The following DIAPH1 variants were observed in gnomAD, a reference collection of about 807,000 sequenced individuals.
DIAPH1 encodes diaphanous related formin 1, also known as protein diaphanous homolog 1.
DIAPH1 carries 46 observed loss-of-function variants against 140.7 expected under a neutral mutation model. The observed-to-expected ratio is 0.33, with a 90% CI of 0.26 to 0.42. The LOEUF is 0.42. DIAPH1 is among the 10% of genes least tolerant of loss of function. The pLI, the probability that DIAPH1 is intolerant of heterozygous loss-of-function variation, is 1.00. For synonymous variants in DIAPH1, 565 were observed against 551.6 expected (o/e 1.02, Z -0.34); for missense variants, 1,310 against 1,558.7 (o/e 0.84, Z 2.69).
chr5:141,589,277 G>T, intron 1 of DIAPH1: 1 of 152,490 alleles, frequency 6.6e-6, no homozygotes. Context: ...CACCTTCGTT[G>T]GGAGTGCCCT....
intron 1 of DIAPH1, among the ~76,000 whole-genome samples, chr5:141,590,946 A>G (rs962742493): frequency 2.0e-5 from 3 of 152,050 alleles, no homozygotes; most frequent in Non-Finnish European, 4.4e-5. Context: ...TCTCCATACT[A>G]TATCCAAGAG....
chr5:141,538,712 C>A (rs552112440), intron 18 of DIAPH1, among the ~76,000 whole-genome samples: 1 of 152,068 alleles, frequency 6.6e-6, no homozygotes, highest in Non-Finnish European at 1.5e-5. Context: ...GGATAACAGG[C>A]GTGAGCCACC....
At chr5:141,599,211 T>C (rs1010031246) in intron 1 of DIAPH1, among the ~76,000 whole-genome samples, 1 of 152,168 alleles carries the variant, frequency 6.6e-6, no homozygotes, top group African/African-American at 2.4e-5. Flanking sequence ...CAGAGTACAT[T>C]CTACATAGCA....
chr5:141,567,881 C>G (rs1275295385), intron 18 of DIAPH1, among the ~76,000 whole-genome samples: 3 of 152,194 alleles, frequency 2.0e-5, no homozygotes, highest in Non-Finnish European at 4.4e-5. Flanking sequence ...CCCACACAGT[C>G]AAATGCTAAC....
Position 141,573,814 on chromosome 5 carries a change from G to A in DIAPH1, c.2036C>T (p.Pro679Leu), listed in dbSNP as rs768743097. ...LPGGTAIPPP[P>L]PLPGSARIPP... ...GATTCTAGCACTCCCAGGCAAAGGA[G>A]GAGGTGGGGGGATGGCAGTACCTCC... Residue 679 changes from proline (P) to leucine (L), a missense_variant, in exon 16 of 28, where the codon CCT becomes CTT. Coordinates refer to ENST00000389054, the MANE Select transcript of DIAPH1 (RefSeq NM_005219.5). 8.2e-5 allele frequency: 124 copies of A among 1,518,610 alleles called. No homozygotes were observed. Among genetic ancestry groups the A allele is most frequent in the Non-Finnish European group, 1.0e-4 (118 of 1,128,186 alleles). The allele number at this position is 1,518,610 out of a possible 1,614,324, so 94.1% of individuals were successfully genotyped here. A position where few individuals can be genotyped will look rare whatever the true frequency, so the allele number is the denominator to read the frequency against.
chr5:141,593,483 G>C (rs1220493635), intron 1 of DIAPH1, among the ~76,000 whole-genome samples: 2 of 152,118 alleles, frequency 1.3e-5, no homozygotes, highest in African/African-American at 2.4e-5. Flanking sequence ...CTTTCCCCTT[G>C]AGACAGAAGG....
chr5:141,558,210 G>A (rs1047469538), intron 18 of DIAPH1: 2 of 152,276 alleles, frequency 1.3e-5, no homozygotes, highest in African/African-American at 4.8e-5. Flanking sequence ...AGTCTCTAAA[G>A]ACAAAGGGCA....
At chr5:141,598,540 T>C (rs945720722) in intron 1 of DIAPH1, among the ~76,000 whole-genome samples, 1 of 152,162 alleles carries the variant, frequency 6.6e-6, no homozygotes, top group Non-Finnish European at 1.5e-5. Flanking sequence ...TCCATCAACA[T>C]AAAAATTAAA....
intron 18 of DIAPH1, among the ~76,000 whole-genome samples, chr5:141,552,582 C>T (rs1263109741): frequency 6.6e-6 from 1 of 152,130 alleles, no homozygotes; most frequent in Non-Finnish European, 1.5e-5. Context: ...GCCAACATTT[C>T]GATTTTAGAA....
rs189778998 is a variant in DIAPH1 at position 141,593,965 on chromosome 5, A to G, written c.118-5715T>C. 7.2e-5 allele frequency among the ~76,000 whole-genome samples: 11 copies of G among 152,204 alleles called. No homozygotes were observed. The East Asian group carries it at 1.5e-3, about 21-fold the overall frequency. On this transcript the variant is annotated intron_variant, in intron 1 of 27. Transcript: ENST00000389054. ...CAGGCGCATGCCACCACACGTGGCT[A>G]ATTTTTGTATTTTTAGTATGGGGTT... is the stretch of plus-strand genomic sequence containing the variant.
At chr5:141,556,851 G>A (rs949058751) in intron 18 of DIAPH1, among the ~76,000 whole-genome samples, 2 of 151,996 alleles carry the variant, frequency 1.3e-5, no homozygotes, top group African/African-American at 2.4e-5. Flanking sequence ...GCCACCAGGC[G>A]GCCCGGCTAA....
intron 18 of DIAPH1, among the ~76,000 whole-genome samples, chr5:141,551,142 T>C (rs1003708922): frequency 6.6e-6 from 1 of 152,244 alleles, no homozygotes; most frequent in Admixed American, 6.5e-5. Flanking sequence ...ACCGCATTTA[T>C]GGACCTGTTA....
At chr5:141,524,375 C>A in intron 26 of DIAPH1, 146 bp from the exon 27 acceptor site, 1 of 754,088 alleles carries the variant, frequency 1.3e-6, no homozygotes, top group Non-Finnish European at 2.3e-6. Context: ...GAGAGCTCAG[C>A]CTTAAGTCTC....
rs1317413582 is a variant in DIAPH1 at position 141,526,089 on chromosome 5, CCTT to C, written c.3520_3522del (p.Lys1174del). 5 of 1,614,126 alleles carry C rather than the reference CCTT, an allele frequency of 3.1e-6. No homozygotes were observed. The highest frequency in any genetic ancestry group is 3.4e-6 in the Non-Finnish European group (4 of 1,180,050). On this transcript the variant is annotated inframe_deletion, in exon 26 of 28. Coordinates refer to ENST00000389054, the MANE Select transcript of DIAPH1 (RefSeq NM_005219.5). ...CTCTTCTGCTGCTTCTCTAGCCGCT[CCTT>C]CTCTGCCTTCTCCTTGGCTAGTTTT...
rs1336672141 is a variant in DIAPH1, at chr5:141,574,198, A to G, written c.1652T>C (p.Leu551Pro). 6.2e-7 allele frequency: 1 copy of G among 1,614,120 alleles called. No homozygotes were observed. Among genetic ancestry groups the G allele is most frequent in the Admixed American group, 1.7e-5 (1 of 60,024 alleles). ...CTTGGCATCTTCCAGTTCCTTTGTC[A>G]GCTTGGCAACCTACAGAAATAACAT... is the stretch of plus-strand genomic sequence containing the variant. ...VSQLTGEVAK[L>P]TKELEDAKKE... Residue 551 changes from leucine to proline, a missense_variant, in exon 16 of 28, where the codon CTG becomes CCG. Around this residue, in one of 3 missense-constraint regions of DIAPH1, gnomAD observed 589 missense variants for 549.3 expected, o/e 1.07. Coordinates refer to ENST00000389054, the MANE Select transcript of DIAPH1 (RefSeq NM_005219.5).
At chr5:141,589,383 C>T (rs554353355) in intron 1 of DIAPH1, among the ~76,000 whole-genome samples, 6 of 152,216 alleles carry the variant, frequency 3.9e-5, no homozygotes, top group Admixed American at 2.0e-4. Context: ...TTCAACAAAC[C>T]AGAAGACAAA....
In DIAPH1 at chr5:141,575,139, G is replaced by A. The variant is rs2154596346; in HGVS notation, c.1469C>T (p.Ser490Leu). Reference protein sequence around the residue: ...KAAELEKKLDSELTARHELQV... With the variant: ...KAAELEKKLDLELTARHELQV... Reference sequence around the variant, plus strand: ...TAGCTCATGTCGGGCTGTTAACTCTGAGTCCAACTAGAGAAAAAACGAATC... The same window carrying A: ...TAGCTCATGTCGGGCTGTTAACTCTAAGTCCAACTAGAGAAAAAACGAATC... The change falls in exon 15 of 28, where the codon TCA becomes TTA. Residue 490 changes from serine to leucine, a missense_variant. Ser to Leu is a moderately radical substitution (Grantham distance 145). This residue lies in a region of DIAPH1 where 589 missense variants were observed against 549.3 expected (regional missense o/e 1.07). Coordinates refer to ENST00000389054, the MANE Select transcript of DIAPH1 (RefSeq NM_005219.5). The A allele has an allele frequency of 6.2e-7, 1 of 1,614,100 alleles. No homozygotes were observed. Among genetic ancestry groups the A allele is most frequent in the Non-Finnish European group, 8.5e-7 (1 of 1,180,034 alleles).
At chr5:141,525,079 C>G (rs751284011) in intron 26 of DIAPH1, among the ~76,000 whole-genome samples, 1 of 152,282 alleles carries the variant, frequency 6.6e-6, no homozygotes, top group East Asian at 1.9e-4. Context: ...GGGGACAAAC[C>G]CTGGAGTCCC....
chr5:141,591,201 T>C (rs955698834), intron 1 of DIAPH1, among the ~76,000 whole-genome samples: 1 of 152,114 alleles, frequency 6.6e-6, no homozygotes, highest in Non-Finnish European at 1.5e-5. Context: ...GCCTAGATTG[T>C]GCTTTCACAA....
Sources: allele counts gnomAD v4.1 joint callset (sites outside exome capture counted in the v4.1 genomes callset), GRCh38; gene constraint gnomAD v4.1.1; regional missense constraint gnomAD v4.1.1; transcripts MANE v1.5; gene names NCBI Gene and HGNC (gene_info 2026-07-23, HGNC 2026-07-21).